The following DCDC1 variants were observed in gnomAD, a reference collection of about 807,000 sequenced individuals.
DCDC1 encodes doublecortin domain-containing protein 1.
In DCDC1, 200 loss-of-function variants were observed where a neutral mutation model predicts 178.3. The observed-to-expected ratio is 1.12, with a 90% CI of 1.00 to 1.26. The LOEUF is 1.26. Among genes scored for constraint, DCDC1 ranks in the 50% most tolerant of loss-of-function variants. DCDC1 has a pLI of 0.00. For synonymous variants in DCDC1, 690 were observed against 604.8 expected (o/e 1.14, Z -2.07); for missense variants, 1,983 against 1,749.2 (o/e 1.13, Z -2.38).
chr11:31,267,669 C>A (rs1452773617), intron 7 of DCDC1, among the ~76,000 whole-genome samples: 1 of 152,176 alleles, frequency 6.6e-6, no homozygotes, highest in Non-Finnish European at 1.5e-5. Context: ...TCTTCAGTGA[C>A]TACTGCCCAC....
intron 20 of DCDC1, among the ~76,000 whole-genome samples, chr11:30,965,076 G>T (rs920732287): frequency 2.6e-5 from 4 of 152,154 alleles, no homozygotes; most frequent in African/African-American, 9.7e-5. Flanking sequence ...GGACACCAGT[G>T]GAGTGCAAAG....
intron 11 of DCDC1, among the ~76,000 whole-genome samples, chr11:31,125,270 G>GA (rs1246725875): frequency 6.6e-6 from 1 of 152,036 alleles, no homozygotes; most frequent in Non-Finnish European, 1.5e-5. Flanking sequence ...ACAAAGTCAA[G>GA]AAAAAACAGA....
chr11:31,009,041 C>A (rs1368567324), intron 20 of DCDC1, among the ~76,000 whole-genome samples: 5 of 152,130 alleles, frequency 3.3e-5, no homozygotes, highest in Admixed American at 3.3e-4. Context: ...AAAAAGACCA[C>A]TACTGCAATA....
chr11:31,333,334 T>A (rs1950100419), intron 2 of DCDC1, among the ~76,000 whole-genome samples: 1 of 152,150 alleles, frequency 6.6e-6, no homozygotes, highest in Admixed American at 6.5e-5. Flanking sequence ...CTCTATCCAA[T>A]TTCCCAGTCT....
intron 17 of DCDC1, among the ~76,000 whole-genome samples, chr11:31,086,103 A>T (rs1183206272): frequency 6.6e-6 from 1 of 152,156 alleles, no homozygotes; most frequent in African/African-American, 2.4e-5. Flanking sequence ...TTCTTTGCAT[A>T]AATTTCTAGG....
At chr11:31,332,862 T>A (rs1950071769) in intron 2 of DCDC1, among the ~76,000 whole-genome samples, 1 of 152,184 alleles carries the variant, frequency 6.6e-6, no homozygotes, top group Non-Finnish European at 1.5e-5. Flanking sequence ...ATTCTGCTGA[T>A]CTGGGGTGGA....
At chr11:31,000,019 G>A (rs551913686) in intron 20 of DCDC1, among the ~76,000 whole-genome samples, 4 of 152,244 alleles carry the variant, frequency 2.6e-5, no homozygotes, top group Non-Finnish European at 2.9e-5. Flanking sequence ...TCAGGTAAGA[G>A]GAACCATCTG....
At chr11:30,879,336 AGTTGCATT>A (rs1942433034) in intron 37 of DCDC1, among the ~76,000 whole-genome samples, 1 of 152,192 alleles carries the variant, frequency 6.6e-6, no homozygotes, top group South Asian at 2.1e-4. Flanking sequence ...ATAGGCATGT[AGTTGCATT>A]TCTATCTTTT....
At chr11:31,202,361 G>C (rs1167442881) in intron 9 of DCDC1, among the ~76,000 whole-genome samples, 33 of 151,688 alleles carry the variant, frequency 2.2e-4, no homozygotes, top group Non-Finnish European at 2.6e-4. Context: ...CCAGGAGTTT[G>C]AGATCAGCCT....
At chr11:31,116,714 GAA>G (rs1960020937) in intron 11 of DCDC1, among the ~76,000 whole-genome samples, 1 of 151,948 alleles carries the variant, frequency 6.6e-6, no homozygotes, top group Non-Finnish European at 1.5e-5. Context: ...TACTATATAA[GAA>G]AAAGTGTTTT....
At chr11:31,071,230 A>G (rs1273740262) in intron 18 of DCDC1, among the ~76,000 whole-genome samples, 1 of 152,146 alleles carries the variant, frequency 6.6e-6, no homozygotes, top group East Asian at 1.9e-4. Flanking sequence ...TGTGATGCCA[A>G]CATTTGGTAT....
intron 22 of DCDC1, 45 bp from the exon 23 acceptor site, chr11:30,925,453 C>G (rs1473820982): frequency 6.5e-7 from 1 of 1,540,552 alleles, no homozygotes; most frequent in Admixed American, 1.7e-5. Flanking sequence ...CAGAAAGCTT[C>G]CAGCAGCAAA....
intron 10 of DCDC1, among the ~76,000 whole-genome samples, chr11:31,129,247 G>C (rs908142798): frequency 5.3e-5 from 8 of 151,920 alleles, no homozygotes. Flanking sequence ...AATTACATTT[G>C]ACTTTTACCA....
chr11:31,182,391 C>T (rs1968923351), intron 9 of DCDC1, among the ~76,000 whole-genome samples: 2 of 152,156 alleles, frequency 1.3e-5, no homozygotes, highest in Admixed American at 6.5e-5. Context: ...CTGCAGAAAC[C>T]CTACCAGGCA....
chr11:30,867,617 C>T (rs1341529518), intron 38 of DCDC1, among the ~76,000 whole-genome samples: 2 of 152,136 alleles, frequency 1.3e-5, no homozygotes, highest in African/African-American at 4.8e-5. Context: ...AGGAATCTTT[C>T]CCTGGAAGGA....
intron 23 of DCDC1, 102 bp downstream of exon 23, chr11:30,925,207 G>A (rs1590384763): frequency 1.0e-6 from 1 of 998,860 alleles, no homozygotes; most frequent in Admixed American, 2.2e-5. Context: ...GAGAAAATAA[G>A]AATTAAAATG....
At chr11:31,115,894 G>A (rs1959831909) in intron 11 of DCDC1, among the ~76,000 whole-genome samples, 1 of 151,342 alleles carries the variant, frequency 6.6e-6, no homozygotes, top group Non-Finnish European at 1.5e-5. Flanking sequence ...TTGGATGCAG[G>A]CTGCCCCGAG....
intron 7 of DCDC1, among the ~76,000 whole-genome samples, chr11:31,275,643 T>C (rs1224601883): frequency 2.0e-5 from 3 of 152,162 alleles, no homozygotes; most frequent in Non-Finnish European, 2.9e-5. Flanking sequence ...TAGCTGGGAT[T>C]ACAGGTGTGC....
intron 13 of DCDC1, among the ~76,000 whole-genome samples, chr11:31,104,918 A>G (rs593920): frequency 0.49 from 73,766 of 151,890 alleles, 18,572 homozygotes; most frequent in East Asian, 0.67. Context: ...TTCAAAATAA[A>G]AAATTGAAGG....
Sources: allele counts gnomAD v4.1 joint callset (sites outside exome capture counted in the v4.1 genomes callset), GRCh38; gene constraint gnomAD v4.1.1; transcripts MANE v1.5; gene names NCBI Gene and HGNC (gene_info 2026-07-23, HGNC 2026-07-21).